The following KDM8 variants were observed in gnomAD, a reference collection of about 807,000 sequenced individuals.
The protein encoded by KDM8 is lysine demethylase 8, also known as bifunctional peptidase and arginyl-hydroxylase JMJD5.
In KDM8, 35 loss-of-function variants were observed where a neutral mutation model predicts 46.9. That is an observed-to-expected ratio of 0.75 (90% CI 0.57 to 0.99). The LOEUF (loss-of-function observed/expected upper bound fraction) is 0.99. Among genes scored for constraint, KDM8 ranks in the 50% least tolerant of loss-of-function variants. The pLI, the probability that KDM8 is intolerant of heterozygous loss-of-function variation, is 0.00. For missense variants in KDM8, 475 were observed against 537.0 expected (o/e 0.88, Z 1.14); for synonymous variants, 232 against 227.7 (o/e 1.02, Z -0.17).
At chr16:27,207,387 T>C (rs568273439) in intron 1 of KDM8, among the ~76,000 whole-genome samples, 2 of 152,236 alleles carry the variant, frequency 1.3e-5, no homozygotes, top group East Asian at 3.9e-4. Flanking sequence ...CCAGACTGGG[T>C]GACAGAGCAA....
chr16:27,217,063 G>A (rs2083563680), intron 5 of KDM8, among the ~76,000 whole-genome samples: 1 of 152,190 alleles, frequency 6.6e-6, no homozygotes, highest in Admixed American at 6.5e-5. Context: ...GGGCCGCCTG[G>A]GTGTTTACCT....
Position 27,210,550 on chromosome 16 carries a change from G to T in KDM8, c.427G>T (p.Ala143Ser). Residue 143 changes from alanine (A) to serine (S), a missense_variant, in exon 2 of 8, where the codon GCC becomes TCC. Transcript: ENST00000286096. ...GGGGGACATCCTTCTTAAAGTCGCT[G>T]CCATCCTCCAGACACACCTCCCTGG... ...ILGDILLKVAAILQTHLPGKR... is the reference protein window; with the variant it reads ...ILGDILLKVASILQTHLPGKR... 7.2e-6 allele frequency: 11 copies of T among 1,534,212 alleles called. No individual in the cohort carries two copies. The highest frequency in any genetic ancestry group is 9.7e-6 in the Non-Finnish European group (11 of 1,139,622).
intron 4 of KDM8, among the ~76,000 whole-genome samples, chr16:27,215,529 C>T (rs1269204829): frequency 1.3e-5 from 2 of 152,128 alleles, no homozygotes; most frequent in East Asian, 3.9e-4. Context: ...TGCAGTGAGC[C>T]AAGATCAGGC....
intron 4 of KDM8, 77 bp downstream of exon 4, chr16:27,215,085 G>A (rs1052175370): frequency 3.7e-5 from 56 of 1,524,840 alleles, no homozygotes; most frequent in Middle Eastern, 3.4e-4. Flanking sequence ...AACCCCCCAT[G>A]TGTTGTAATG....
intron 1 of KDM8, among the ~76,000 whole-genome samples, chr16:27,207,531 C>T (rs570519328): frequency 6.6e-6 from 1 of 152,206 alleles, no homozygotes; most frequent in Non-Finnish European, 1.5e-5. Context: ...AAGACTGATG[C>T]GGCCAGAATG....
chr16:27,204,407 G>A (rs1347380933), intron 1 of KDM8: 1 of 1,189,168 alleles, frequency 8.4e-7, no homozygotes, highest in South Asian at 3.1e-5. Context: ...GGATCCCTGT[G>A]CCATGAATTA....
intron 1 of KDM8, among the ~76,000 whole-genome samples, chr16:27,208,150 C>T (rs530756157): frequency 2.0e-4 from 31 of 152,330 alleles, no homozygotes; most frequent in African/African-American, 6.3e-4. Context: ...ATTAGGAGGC[C>T]ATCTTTCCCA....
At chr16:27,206,737 T>A (rs1000129015) in intron 1 of KDM8, among the ~76,000 whole-genome samples, 1 of 152,236 alleles carries the variant, frequency 6.6e-6, no homozygotes, top group African/African-American at 2.4e-5. Flanking sequence ...AGAAGGCTGA[T>A]GAGCCTGGAC....
chr16:27,213,846 A>G (rs966678904), intron 3 of KDM8, 95 bp downstream of exon 3: 45 of 1,261,848 alleles, frequency 3.6e-5, no homozygotes, highest in Non-Finnish European at 4.4e-5. Context: ...GGGAAATGCA[A>G]CCTTGTAGAT....
In KDM8 at chr16:27,220,510, C is replaced by T. The variant is rs768591723; in HGVS notation, c.1086+25C>T. 17 of 1,613,270 alleles carry T rather than the reference C, an allele frequency of 1.1e-5. No homozygotes were observed. In the East Asian group the frequency reaches 2.0e-4, roughly 19 times the overall value. On this transcript the variant is annotated intron_variant, in intron 7 of 7. Coordinates refer to ENST00000286096, the MANE Select transcript of KDM8 (RefSeq NM_024773.3). ...GGTGGGCACTGGGGGTCTGGGGTGA[C>T]GTTGCAGGTTCTCCCCACTGCCCCT... is the stretch of plus-strand genomic sequence containing the variant.
At chr16:27,217,201 C>T (rs538037182) in intron 5 of KDM8, among the ~76,000 whole-genome samples, 14 of 152,284 alleles carry the variant, frequency 9.2e-5, no homozygotes, top group South Asian at 4.1e-4. Flanking sequence ...ACCTACAGGA[C>T]GCTCAGGGAC....
intron 4 of KDM8, among the ~76,000 whole-genome samples, chr16:27,215,568 C>T (rs1170228382): frequency 6.6e-6 from 1 of 152,146 alleles, no homozygotes; most frequent in East Asian, 1.9e-4. Context: ...ACAATAGAAC[C>T]AGGCCCTGTC....
intron 1 of KDM8, chr16:27,204,060 G>T (rs749272593): frequency 1.9e-6 from 3 of 1,542,540 alleles, no homozygotes; most frequent in Admixed American, 4.0e-5. Flanking sequence ...CCGCAAGGCA[G>T]GCTGGAAACG....
intron 5 of KDM8, among the ~76,000 whole-genome samples, chr16:27,218,294 A>G (rs1166784303): frequency 2.0e-5 from 3 of 151,976 alleles, no homozygotes; most frequent in South Asian, 4.2e-4. Context: ...AAAAAAAATT[A>G]CAATAAATAA....
rs769659006 is a variant in KDM8 at position 27,220,739 on chromosome 16, G to A, written c.*9G>A. On this transcript the variant is annotated 3_prime_UTR_variant, in exon 8 of 8. Transcript: ENST00000286096. Reference sequence around the variant, plus strand: ...GCTTCTGGTGGTCGTAGCCAGGATAGGAGCTGAAAGGGCCTGACATGCAGA... The same window carrying A: ...GCTTCTGGTGGTCGTAGCCAGGATAAGAGCTGAAAGGGCCTGACATGCAGA... 10 of 1,614,140 alleles carry A rather than the reference G, an allele frequency of 6.2e-6. No homozygotes were observed. Among genetic ancestry groups the A allele is most frequent in the Non-Finnish European group, 6.8e-6 (8 of 1,179,980 alleles).
intron 3 of KDM8, chr16:27,214,389 A>T (rs2083523673): frequency 6.1e-6 from 1 of 162,792 alleles, no homozygotes; most frequent in Non-Finnish European, 1.4e-5. Flanking sequence ...TGGCACTAGG[A>T]CAGGTGTTGT....
At chr16:27,205,504 G>A (rs2083419520) in intron 1 of KDM8, among the ~76,000 whole-genome samples, 1 of 152,080 alleles carries the variant, frequency 6.6e-6, no homozygotes, top group South Asian at 2.1e-4. Context: ...GCCCACTCAA[G>A]CTGTTTCTAT....
At chr16:27,209,943 C>G (rs2083464027) in intron 1 of KDM8, 150 bp from the exon 2 acceptor site, 1 of 766,572 alleles carries the variant, frequency 1.3e-6, no homozygotes. Flanking sequence ...TGACCCCAGA[C>G]AGATGAGGGC....
intron 4 of KDM8, among the ~76,000 whole-genome samples, 194 bp downstream of exon 4, chr16:27,215,202 T>A (rs2083537186): frequency 2.6e-5 from 4 of 152,306 alleles, no homozygotes; most frequent in South Asian, 2.1e-4. Context: ...GTCAGGTCCT[T>A]TTTAATGGGC....
Sources: gnomAD v4.1 joint callset for allele counts (sites outside exome capture counted in the v4.1 genomes callset) on GRCh38, gnomAD v4.1.1 for gene constraint, MANE v1.5 for transcripts, NCBI Gene and HGNC (gene_info 2026-07-23, HGNC 2026-07-21) for gene names.